LTN1: variants seen among roughly 807,000 people sequenced by gnomAD.
The protein encoded by LTN1 is listerin E3 ubiquitin protein ligase 1.
A neutral mutation model predicts 201.2 loss-of-function variants in LTN1; 88 were observed. That is an observed-to-expected ratio of 0.44 (90% CI 0.37 to 0.52). LTN1 has a LOEUF of 0.52. Among genes scored for constraint, LTN1 ranks in the 20% least tolerant of loss-of-function variants. LTN1 has a pLI of 0.00. For missense variants in LTN1, 1,752 were observed against 2,038.7 expected, an observed-to-expected ratio of 0.86 and a Z score of 2.71; for synonymous variants, 645 against 713.5, an observed-to-expected ratio of 0.90 and a Z score of 1.53.
chr21:28,984,910 G>A lies in LTN1; in HGVS notation c.358C>T (p.Arg120Cys), dbSNP rs2146317305. The change falls in exon 4 of 30, where the codon CGC becomes TGC. Residue 120 changes from arginine to cysteine, a missense_variant. Physicochemically the swap from Arg to Cys is radical, Grantham distance 180. This residue lies in a region of LTN1 where 280 missense variants were observed against 375.7 expected (regional missense o/e 0.75). Coordinates refer to ENST00000361371, the MANE Select transcript of LTN1 (RefSeq NM_015565.3). ...GCTTGTTGTGTGGCTTCTCGGACGC[G>A]ACGGTCATGATCCTATTAAAAATAT... ...FCKISLDHDR[R>C]VREATQQAFE... is the part of the protein sequence containing the mutation. 9 of 1,612,146 alleles carry A rather than the reference G, an allele frequency of 5.6e-6. No homozygotes were observed. The highest frequency in any genetic ancestry group is 3.3e-5 in the South Asian group (3 of 90,972).
At chr21:28,950,190 A>G (rs976543992) in intron 18 of LTN1, among the ~76,000 whole-genome samples, 4 of 152,148 alleles carry the variant, frequency 2.6e-5, no homozygotes, top group African/African-American at 9.6e-5. Flanking sequence ...TTTACAATTT[A>G]TCTTCCCACC....
intron 21 of LTN1, 37 bp from the exon 22 acceptor site, chr21:28,944,633 T>G (rs1404369652): frequency 7.0e-7 from 1 of 1,419,368 alleles, no homozygotes; most frequent in Admixed American, 1.8e-5. Flanking sequence ...GTAAACAGAC[T>G]TCTACCAGAA....
chr21:28,957,312 C>T lies in LTN1; in HGVS notation c.2892+20G>A, dbSNP rs1181525982. 2 of 1,567,438 alleles carry T rather than the reference C, an allele frequency of 1.3e-6. No individual in the cohort carries two copies. Among genetic ancestry groups the T allele is most frequent in the Non-Finnish European group, 1.7e-6 (2 of 1,163,006 alleles). Reference sequence around the variant, plus strand: ...TCCAAACTTCAGAATGAGATATGTACTCTTCAATTTCCAAAATACCTGCAT... The same window carrying T: ...TCCAAACTTCAGAATGAGATATGTATTCTTCAATTTCCAAAATACCTGCAT... On this transcript the variant is annotated intron_variant, in intron 15 of 29. Transcript: ENST00000361371.
intron 1 of LTN1, among the ~76,000 whole-genome samples, chr21:28,987,708 T>C (rs2084709100): frequency 6.6e-6 from 1 of 152,226 alleles, no homozygotes; most frequent in Admixed American, 6.5e-5. Flanking sequence ...TTTGAACTGC[T>C]AAAAGAAATT....
intron 21 of LTN1, among the ~76,000 whole-genome samples, chr21:28,945,348 T>C (rs1049787343): frequency 1.2e-4 from 19 of 152,216 alleles, no homozygotes; most frequent in Non-Finnish European, 4.4e-5. Flanking sequence ...CCTGACTGAC[T>C]TGCTGCCTTG....
chr21:28,940,814 G>A (rs570531800), intron 25 of LTN1, among the ~76,000 whole-genome samples: 2 of 152,260 alleles, frequency 1.3e-5, no homozygotes, highest in East Asian at 1.9e-4. Flanking sequence ...TAGGCTGGGC[G>A]CAGTGGCTCA....
intron 3 of LTN1, among the ~76,000 whole-genome samples, chr21:28,985,257 C>T (rs1326350944): frequency 6.6e-6 from 1 of 151,910 alleles, no homozygotes; most frequent in Non-Finnish European, 1.5e-5. Flanking sequence ...GTCAGGAGTT[C>T]AAGACCAGCC....
rs972338294 is a variant in LTN1, at chr21:28,971,517, T to C, written c.811-73A>G. On this transcript the variant is annotated intron_variant, in intron 6 of 29. Transcript: ENST00000361371. ...TAAGATTTTTAATTTATGGTAATAGTAGATTATTCACACTAACCCTCCCAC... is the reference window on the plus strand; with the variant it reads ...TAAGATTTTTAATTTATGGTAATAGCAGATTATTCACACTAACCCTCCCAC... The C allele has an allele frequency of 5.4e-5, 74 of 1,381,772 alleles. No individual in the cohort carries two copies. The African/African-American group carries it at 8.0e-4, about 15-fold the overall frequency. 85.6% of individuals were successfully genotyped at this position (1,381,772 alleles called of 1,614,324 possible). A position where few individuals can be genotyped will look rare whatever the true frequency, so the allele number is the denominator to read the frequency against.
At position 28,986,313 on chromosome 21, in the gene LTN1, T is replaced by C; in HGVS notation, c.247-76A>G. 1 of 905,664 alleles carries C rather than the reference T, an allele frequency of 1.1e-6. No homozygotes were observed. The highest frequency in any genetic ancestry group is 1.8e-6 in the Non-Finnish European group (1 of 567,552). 56.1% of individuals were successfully genotyped at this position (905,664 alleles called of 1,614,324 possible). On this transcript the variant is annotated intron_variant, in intron 2 of 29. Coordinates refer to ENST00000361371, the MANE Select transcript of LTN1 (RefSeq NM_015565.3). The surrounding 1 kb of genome is among the most constrained non-coding windows in gnomAD (Gnocchi z 4.1). Reference sequence around the variant, plus strand: ...TATAGATTATTCTGTTCTGGAAGCTTTGTCTATTTTATGTAATAGGAGAAT... The same window carrying C: ...TATAGATTATTCTGTTCTGGAAGCTCTGTCTATTTTATGTAATAGGAGAAT...
At chr21:28,952,112 G>T in intron 18 of LTN1, 48 bp downstream of exon 18, 4 of 1,123,646 alleles carry the variant, frequency 3.6e-6, no homozygotes, top group South Asian at 1.5e-5. Flanking sequence ...TTGCCAAAGT[G>T]ACCGATTACA....
intron 15 of LTN1, 59 bp downstream of exon 15, chr21:28,957,273 A>T (rs2084433398): frequency 7.0e-7 from 1 of 1,437,448 alleles, no homozygotes; most frequent in Admixed American, 2.4e-5. Context: ...AAAAATATTC[A>T]AGCTTGCATG....
chr21:28,940,872 G>C (rs1258715483), intron 25 of LTN1, among the ~76,000 whole-genome samples: 1 of 152,174 alleles, frequency 6.6e-6, no homozygotes, highest in Non-Finnish European at 1.5e-5. Context: ...TGGATCGCTT[G>C]AGCTCAGGAG....
At chr21:28,981,359 G>C in intron 5 of LTN1, 60 bp from the exon 6 acceptor site, 1 of 911,840 alleles carries the variant, frequency 1.1e-6, no homozygotes, top group Non-Finnish European at 1.5e-6. Context: ...CTATATATCT[G>C]GTGGTTCTAT....
At position 28,968,873 on chromosome 21, in the gene LTN1, C is replaced by T. The variant is rs147795364; in HGVS notation, c.1311+593G>A. Among the ~76,000 whole-genome samples, 202 of 151,770 alleles carry T rather than the reference C, an allele frequency of 1.3e-3. 1 individual carries two copies. Among genetic ancestry groups the T allele is most frequent in the African/African-American group, 4.6e-3 (191 of 41,478 alleles). On this transcript the variant is annotated intron_variant, in intron 9 of 29. Coordinates refer to ENST00000361371, the MANE Select transcript of LTN1 (RefSeq NM_015565.3). The stretch of plus-strand genomic sequence containing the variant: ...CCACCCACCTCGGCCTTCCAAAGTG[C>T]TGGGATTACAGGCGTGAGCCACGAC...
intron 21 of LTN1, 21 bp downstream of exon 21, chr21:28,945,786 T>C (rs1056580475): frequency 5.0e-6 from 8 of 1,605,704 alleles, no homozygotes; most frequent in Non-Finnish European, 6.0e-6. Flanking sequence ...CAAGAGGTGA[T>C]GACATATCGG....
Position 28,953,303 on chromosome 21 carries a change from AC to A in LTN1, c.3152del (p.Cys1051LeufsTer7). 1 of 1,609,342 alleles carries A rather than the reference AC, an allele frequency of 6.2e-7. No individual in the cohort carries two copies. The highest frequency in any genetic ancestry group is 8.5e-7 in the Non-Finnish European group (1 of 1,178,672). ...TAATATTCATTTTTTGAAGTATTTC[AC>A]AAAATCCAATTAGAAAAATAGGTGG... ...DNPPIFLIGF[C>X]EILQKMNITY... is the part of the protein sequence containing the mutation. On this transcript the variant is annotated frameshift_variant, in exon 17 of 30. Transcript: ENST00000361371. LOFTEE classifies it high-confidence loss of function.
intron 1 of LTN1, among the ~76,000 whole-genome samples, chr21:28,987,480 T>A (rs1051936557): frequency 6.6e-6 from 1 of 152,054 alleles, no homozygotes; most frequent in Admixed American, 6.6e-5. Flanking sequence ...AGACTGAGAG[T>A]TCCTTGAGAG....
At chr21:28,987,005 G>T in intron 1 of LTN1, 71 bp from the exon 2 acceptor site, 2 of 988,344 alleles carry the variant, frequency 2.0e-6, no homozygotes, top group Non-Finnish European at 1.6e-6. Context: ...ATAATTCCTT[G>T]GCTATTCCCA....
chr21:28,967,209 A>C (rs760849426), intron 9 of LTN1, 30 bp from the exon 10 acceptor site: 2 of 1,510,292 alleles, frequency 1.3e-6, no homozygotes, highest in Non-Finnish European at 9.0e-7. Flanking sequence ...ATCATAAAAT[A>C]TATATTTGGT....
Sources: allele counts gnomAD v4.1 joint callset (sites outside exome capture counted in the v4.1 genomes callset), GRCh38; gene constraint gnomAD v4.1.1; regional missense constraint gnomAD v4.1.1; non-coding constraint Gnocchi (gnomAD v3.1); transcripts MANE v1.5; gene names NCBI Gene and HGNC (gene_info 2026-07-23, HGNC 2026-07-21).